The following TRUB2 variants were observed in gnomAD, a reference collection of about 807,000 sequenced individuals.
TRUB2 encodes the protein TruB pseudouridine synthase family member 2.
TRUB2 carries 31 observed loss-of-function variants against 31.9 expected under a neutral mutation model. That is an observed-to-expected ratio of 0.97 (90% CI 0.73 to 1.31). The LOEUF (loss-of-function observed/expected upper bound fraction) is 1.31, where lower values mean the gene tolerates loss of function less well. Ranked by LOEUF, TRUB2 falls within the 50% of genes most tolerant of loss-of-function variation. The pLI is 0.00. For synonymous variants in TRUB2, 201 were observed against 182.6 expected (o/e 1.10, Z -0.81); for missense variants, 451 against 439.6 (o/e 1.03, Z -0.23).
intron 2 of TRUB2, among the ~76,000 whole-genome samples, chr9:128,319,908 C>T (rs1490355735): frequency 1.3e-5 from 2 of 151,022 alleles, no homozygotes; most frequent in Admixed American, 6.6e-5. Context: ...CGTGAGCCAC[C>T]ACACCTGGCC....
intron 5 of TRUB2, among the ~76,000 whole-genome samples, chr9:128,313,058 A>T (rs966813780): frequency 1.3e-5 from 2 of 151,836 alleles, no homozygotes; most frequent in Admixed American, 6.6e-5. Flanking sequence ...TCTACTAAAA[A>T]TACAAAACAT....
chr9:128,315,838 T>G, intron 3 of TRUB2: 1 of 574,556 alleles, frequency 1.7e-6, no homozygotes, highest in East Asian at 3.0e-5. Context: ...GCACTGAATC[T>G]GACTCATGGT....
At chr9:128,315,930 A>C in intron 3 of TRUB2, 1 of 420,816 alleles carries the variant, frequency 2.4e-6, no homozygotes, top group Non-Finnish European at 4.5e-6. Flanking sequence ...TAGTCACACA[A>C]ACCTGCACTC....
rs758271423 is a variant in TRUB2 at position 128,310,883 on chromosome 9, C to G, written c.670+4G>C. The G allele has an allele frequency of 1.9e-6, 3 of 1,614,110 alleles. No homozygotes were observed. In the Admixed American group the frequency reaches 5.0e-5, roughly 27 times the overall value. On this transcript the variant is annotated splice_donor_region_variant and intron_variant, in intron 7 of 7. Coordinates refer to ENST00000372890, the MANE Select transcript of TRUB2 (RefSeq NM_015679.3). ...CACTGCTCCAACTTCCTTGGCCAAC[C>G]TACCTAAGAGGAATTCCGGAGGTGC... is the stretch of plus-strand genomic sequence containing the variant.
At chr9:128,319,101 T>G (rs71497688) in intron 2 of TRUB2, among the ~76,000 whole-genome samples, 1 of 150,528 alleles carries the variant, frequency 6.6e-6, no homozygotes, top group Non-Finnish European at 1.5e-5. Context: ...CCGAGGCGGG[T>G]GGATCACGAG....
Position 128,310,920 on chromosome 9 carries a change from A to G in TRUB2, c.637T>C (p.Cys213Arg). 1 of 1,614,232 alleles carries G rather than the reference A, an allele frequency of 6.2e-7. No individual in the cohort carries two copies. The highest frequency in any genetic ancestry group is 8.5e-7 in the Non-Finnish European group (1 of 1,180,030). ...KSPMLITGIR[C>R]LYFAPPEFLL... Reference sequence around the variant, plus strand: ...AATTCCGGAGGTGCAAAGTAGAGGCATCGGATGCCAGTTATCAGCATCGGG... The same window carrying G: ...AATTCCGGAGGTGCAAAGTAGAGGCGTCGGATGCCAGTTATCAGCATCGGG... The change falls in exon 7 of 8, where the codon TGC becomes CGC. Residue 213 changes from cysteine (C) to arginine (R), a missense_variant. By Grantham distance (180) the Cys-to-Arg change is radical. Transcript: ENST00000372890.
intron 5 of TRUB2, among the ~76,000 whole-genome samples, chr9:128,312,699 C>T (rs1202965583): frequency 1.1e-4 from 17 of 150,026 alleles, no homozygotes; most frequent in Non-Finnish European, 1.9e-4. Flanking sequence ...ACTGCAACCT[C>T]CGCCTCCCAG....
Position 128,322,327 on chromosome 9 carries a change from C to T in TRUB2, c.82G>A (p.Asp28Asn). Residue 28 changes from aspartate to asparagine, a missense_variant, in exon 1 of 8, where the codon GAT becomes AAT. Transcript: ENST00000372890. ...TTCAGAAGTTGTAGCTCCACTGTAT[C>T]CCGCAGGTGCTTCCATTTTAGCCCC... is the stretch of plus-strand genomic sequence containing the variant. ...PPGLKWKHLR[D>N]TVELQLLKGL... 2 of 1,614,126 alleles carry T rather than the reference C, an allele frequency of 1.2e-6. No individual in the cohort carries two copies.
intron 5 of TRUB2, 33 bp from the exon 6 acceptor site, chr9:128,311,634 T>C: frequency 6.2e-7 from 1 of 1,610,602 alleles, no homozygotes; most frequent in Non-Finnish European, 8.5e-7. Flanking sequence ...AATGTACAGG[T>C]ACCTGCTGAG....
At chr9:128,313,752 G>C in intron 5 of TRUB2, 56 bp downstream of exon 5, 1 of 1,521,088 alleles carries the variant, frequency 6.6e-7, no homozygotes, top group Non-Finnish European at 9.1e-7. Context: ...GGCGGGGAGA[G>C]GACTCAGGGA....
At position 128,305,280 on chromosome 9, in the gene TRUB2, G is replaced by C. The variant is rs1292462437; in HGVS notation, c.*4270C>G. On this transcript the variant is annotated 3_prime_UTR_variant, in exon 8 of 8. Coordinates refer to ENST00000372890, the MANE Select transcript of TRUB2 (RefSeq NM_015679.3). ...TTGGCTGTGAAAGCCAAGATGAGTAGCCTGGGGGCCACGCCCCTCCCCCAG... is the reference window on the plus strand; with the variant it reads ...TTGGCTGTGAAAGCCAAGATGAGTACCCTGGGGGCCACGCCCCTCCCCCAG... The C allele has an allele frequency of 6.6e-6, 1 of 152,274 alleles. No individual in the cohort carries two copies. The highest frequency in any genetic ancestry group is 1.5e-5 in the Non-Finnish European group (1 of 68,070). 9.4% of individuals were successfully genotyped at this position (152,274 alleles called of 1,614,324 possible).
rs1266428302 is a variant in TRUB2 at position 128,307,751 on chromosome 9, T to C, written c.*1799A>G. 2.0e-5 allele frequency: 3 copies of C among 150,456 alleles called. No individual in the cohort carries two copies. The highest frequency in any genetic ancestry group is 4.4e-5 in the Non-Finnish European group (3 of 67,668). 9.3% of individuals were successfully genotyped at this position (150,456 alleles called of 1,614,324 possible). On this transcript the variant is annotated 3_prime_UTR_variant, in exon 8 of 8. Coordinates refer to ENST00000372890, the MANE Select transcript of TRUB2 (RefSeq NM_015679.3). ...TGTCTCAAAAATAAAATAAAATAAA[T>C]AAATTAGCCAGATACTGTGTGCACG... is the stretch of plus-strand genomic sequence containing the variant.
Position 128,321,626 on chromosome 9 carries a change from C to T in TRUB2, c.214G>A (p.Val72Ile), listed in dbSNP as rs765011648. 1.9e-5 allele frequency: 30 copies of T among 1,613,862 alleles called. No homozygotes were observed. Among genetic ancestry groups the T allele is most frequent in the Non-Finnish European group, 2.4e-5 (28 of 1,180,002 alleles). Residue 72 changes from valine to isoleucine, a missense_variant, in exon 2 of 8, where the codon GTA (valine) becomes ATA (isoleucine). By Grantham distance (29) the Val-to-Ile change is conservative (BLOSUM62 3). Coordinates refer to ENST00000372890, the MANE Select transcript of TRUB2 (RefSeq NM_015679.3). ...AGTGGATGGTTGATGAAAGAGGGTA[C>T]GCTGGTGGCTGTGAGGGTCAGCTCC... is the stretch of plus-strand genomic sequence containing the variant. Reference protein sequence around the residue: ...EKELTLTATSVPSFINHPLVC... With the variant: ...EKELTLTATSIPSFINHPLVC...
At chr9:128,312,261 C>A (rs1385368621) in intron 5 of TRUB2, among the ~76,000 whole-genome samples, 4 of 151,322 alleles carry the variant, frequency 2.6e-5, no homozygotes, top group Non-Finnish European at 5.9e-5. Flanking sequence ...CCTCAGCCTC[C>A]TGAAAAGCTA....
chr9:128,309,655 G>T lies in TRUB2; in HGVS notation c.891C>A (p.Ser297Arg), dbSNP rs1416583356. ...GCTTGGTGTCCAGCCCCGGGCTCAA[G>T]CTCTTCTCCAGCTCTGCAGCTACCT... ...TPQVAAELEK[S>R]LSPGLDTKQL... Residue 297 changes from serine (S) to arginine (R), a missense_variant, in exon 8 of 8, where the codon AGC becomes AGA. Ser to Arg is a moderately radical substitution (Grantham distance 110, BLOSUM62 -1). Transcript: ENST00000372890. The T allele has an allele frequency of 1.9e-6, 3 of 1,614,214 alleles. No individual in the cohort carries two copies. The highest frequency in any genetic ancestry group is 2.5e-6 in the Non-Finnish European group (3 of 1,180,044).
Position 128,311,025 on chromosome 9 carries a change from T to G in TRUB2, c.534-2A>C, listed in dbSNP as rs1474124621. 1.9e-6 allele frequency: 3 copies of G among 1,612,996 alleles called. No individual in the cohort carries two copies. The highest frequency in any genetic ancestry group is 2.7e-5 in the African/African-American group (2 of 74,450). On this transcript the variant is annotated splice_acceptor_variant, in intron 6 of 7. Coordinates refer to ENST00000372890, the MANE Select transcript of TRUB2 (RefSeq NM_015679.3). LOFTEE classifies it high-confidence loss of function. ...GTCTTCAGGTCGAGGTTGGAGTACC[T>G]GCAGATCAGGAAGGGGGCTGCAGCT...
chr9:128,311,227 T>G, intron 6 of TRUB2: 1 of 679,932 alleles, frequency 1.5e-6, no homozygotes, highest in Non-Finnish European at 2.4e-6. Context: ...AGCTCTTAAC[T>G]CCTTGGCTGC....
rs754879569 is a variant in TRUB2 at position 128,309,101 on chromosome 9, A to C, written c.*449T>G. On this transcript the variant is annotated 3_prime_UTR_variant, in exon 8 of 8. Coordinates refer to ENST00000372890, the MANE Select transcript of TRUB2 (RefSeq NM_015679.3). ...GTCCTTGGTTAATGACACTGCAAAT[A>C]CTTACAATTTTTTTTAATTTTTAAT... The C allele has an allele frequency of 4.8e-4, 80 of 165,178 alleles. No homozygotes were observed. Among genetic ancestry groups the C allele is most frequent in the Non-Finnish European group, 9.3e-4 (70 of 74,962 alleles). The allele number at this position is 165,178 out of a possible 1,614,324, so 10.2% of individuals were successfully genotyped here.
chr9:128,313,401 T>C (rs1588523006), intron 5 of TRUB2, among the ~76,000 whole-genome samples: 1 of 147,072 alleles, frequency 6.8e-6, no homozygotes, highest in Non-Finnish European at 1.5e-5. Flanking sequence ...CCGGGCGTGG[T>C]GGCGGGCGCC....
Sources: gnomAD v4.1 joint callset for allele counts (sites outside exome capture counted in the v4.1 genomes callset) on GRCh38, gnomAD v4.1.1 for gene constraint, MANE v1.5 for transcripts, NCBI Gene and HGNC (gene_info 2026-07-23, HGNC 2026-07-21) for gene names.